Variants in THAP12 observed in about 807,000 individuals in gnomAD.
THAP12 encodes THAP domain containing 12.
Under a neutral mutation model 63.0 loss-of-function variants are expected in THAP12, and 20 were observed. That is an observed-to-expected ratio of 0.32 (90% CI 0.22 to 0.46). The LOEUF is 0.46. THAP12 is among the 20% of genes least tolerant of loss of function. The probability of loss-of-function intolerance (pLI) is 1.00; values close to 1 mark genes in which losing one functional copy is unlikely to be tolerated. For missense variants in THAP12, 568 were observed against 908.2 expected (o/e 0.63, Z 4.81); for synonymous variants, 264 against 328.4 (o/e 0.80, Z 2.12).
intron 3 of THAP12, chr11:76,355,968 C>T (rs1023835223): frequency 2.0e-5 from 4 of 200,868 alleles, no homozygotes; most frequent in South Asian, 3.5e-4. Flanking sequence ...CAAAAATACA[C>T]CATGGCACTT....
chr11:76,366,898 C>T (rs1946635069), intron 1 of THAP12, among the ~76,000 whole-genome samples: 1 of 151,640 alleles, frequency 6.6e-6, no homozygotes, highest in African/African-American at 2.4e-5. Context: ...AAGTCCATGC[C>T]CTCTCGGTGC....
intron 1 of THAP12, among the ~76,000 whole-genome samples, chr11:76,371,000 C>T (rs1488195730): frequency 6.6e-6 from 1 of 152,028 alleles, no homozygotes; most frequent in Non-Finnish European, 1.5e-5. Flanking sequence ...TGTCATTGTT[C>T]TGTTCCCTGT....
chr11:76,373,370 G>A (rs1946687389), intron 1 of THAP12, among the ~76,000 whole-genome samples: 1 of 150,230 alleles, frequency 6.7e-6, no homozygotes, highest in African/African-American at 2.4e-5. Flanking sequence ...GGAAAAAGAA[G>A]TACTATTATT....
chr11:76,353,071 AGC>A (rs1946538726), intron 4 of THAP12, among the ~76,000 whole-genome samples: 1 of 151,966 alleles, frequency 6.6e-6, no homozygotes, highest in Non-Finnish European at 1.5e-5. Context: ...TAAGAAGTAG[AGC>A]GGGGAGTCTC....
At chr11:76,361,207 G>A in intron 2 of THAP12, 144 bp from the exon 3 acceptor site, 1 of 557,354 alleles carries the variant, frequency 1.8e-6, no homozygotes, top group East Asian at 3.1e-5. Flanking sequence ...TGTCAGTTCA[G>A]GTCAGTCTAC....
intron 3 of THAP12, chr11:76,355,978 T>C (rs535410235): frequency 1.1e-5 from 2 of 189,012 alleles, no homozygotes; most frequent in East Asian, 2.5e-4. Flanking sequence ...CCATGGCACT[T>C]GGAGTTAAAT....
In THAP12 at chr11:76,355,399, G is replaced by C. The variant is rs552691452; in HGVS notation, c.355+219C>G. Among the ~76,000 whole-genome samples, 4 of 152,348 alleles carry C rather than the reference G, an allele frequency of 2.6e-5. No individual in the cohort carries two copies. The South Asian group carries it at 8.3e-4, about 32-fold the overall frequency. ...AGGAGGCGTCACCTCCATGAGGCCT[G>C]CATATAGCATAGTGTGTGGCATTGC... On this transcript the variant is annotated intron_variant, in intron 4 of 4. Coordinates refer to ENST00000260045, the MANE Select transcript of THAP12 (RefSeq NM_004705.4).
At chr11:76,374,745 G>A (rs948091236) in intron 1 of THAP12, among the ~76,000 whole-genome samples, 10 of 152,192 alleles carry the variant, frequency 6.6e-5, no homozygotes, top group African/African-American at 2.4e-4. Context: ...AAATAGTTCT[G>A]ACATTGTGGA....
intron 1 of THAP12, among the ~76,000 whole-genome samples, chr11:76,367,268 G>A (rs954058328): frequency 1.7e-4 from 26 of 152,128 alleles, no homozygotes; most frequent in African/African-American, 6.0e-4. Flanking sequence ...TAGAGACTGG[G>A]TTTCTCCATG....
intron 1 of THAP12, among the ~76,000 whole-genome samples, chr11:76,372,809 C>G (rs954077045): frequency 2.0e-5 from 3 of 151,982 alleles, no homozygotes; most frequent in African/African-American, 7.3e-5. Flanking sequence ...ATTGTTTGAG[C>G]CTGGGAGATG....
chr11:76,376,580 A>G (rs188686450), intron 1 of THAP12, among the ~76,000 whole-genome samples: 29 of 151,898 alleles, frequency 1.9e-4, no homozygotes, highest in Admixed American at 9.2e-4. Context: ...AAGGCCCATA[A>G]ACATCTTTGT....
chr11:76,367,611 T>G (rs1946640628), intron 1 of THAP12, among the ~76,000 whole-genome samples: 1 of 150,260 alleles, frequency 6.7e-6, no homozygotes, highest in South Asian at 2.1e-4. Context: ...ATAGTACAGA[T>G]GGGGTTTCAG....
chr11:76,366,352 C>T (rs1260561330), intron 1 of THAP12, among the ~76,000 whole-genome samples: 1 of 152,156 alleles, frequency 6.6e-6, no homozygotes, highest in Non-Finnish European at 1.5e-5. Flanking sequence ...AGGATTTCAA[C>T]TTCAACAAGC....
intron 3 of THAP12, chr11:76,356,780 C>G (rs140325890): frequency 6.6e-6 from 1 of 152,008 alleles, no homozygotes; most frequent in Non-Finnish European, 1.5e-5. Context: ...TGGTGGCTCA[C>G]GTCTGTAATC....
At chr11:76,376,935 A>G (rs968468989) in intron 1 of THAP12, among the ~76,000 whole-genome samples, 1 of 151,966 alleles carries the variant, frequency 6.6e-6, no homozygotes, top group African/African-American at 2.4e-5. Flanking sequence ...AATTTGGGTA[A>G]AAGGAAGATA....
At position 76,380,930 on chromosome 11, in the gene THAP12, G is replaced by A. The variant is rs1183881195; in HGVS notation, c.-94C>T. 2.7e-5 allele frequency: 14 copies of A among 510,568 alleles called. No individual in the cohort carries two copies. The highest frequency in any genetic ancestry group is 3.2e-5 in the Non-Finnish European group (12 of 372,262). 31.6% of individuals were successfully genotyped at this position (510,568 alleles called of 1,614,324 possible). A position where few individuals can be genotyped will look rare whatever the true frequency, so the allele number is the denominator to read the frequency against. ...GGGGCCGGGGAGGGGAGCCAGGCCGGCCGGCCGGCTCGGCAGGGCCGACGC... is the reference window on the plus strand; with the variant it reads ...GGGGCCGGGGAGGGGAGCCAGGCCGACCGGCCGGCTCGGCAGGGCCGACGC... On this transcript the variant is annotated 5_prime_UTR_variant, in exon 1 of 5. Coordinates refer to ENST00000260045, the MANE Select transcript of THAP12 (RefSeq NM_004705.4).
intron 4 of THAP12, among the ~76,000 whole-genome samples, chr11:76,354,393 CCT>C (rs1946546812): frequency 6.6e-6 from 1 of 152,186 alleles, no homozygotes; most frequent in Admixed American, 6.5e-5. Flanking sequence ...TGGCTCCCTC[CCT>C]CTCTCCTCCA....
chr11:76,366,740 G>A (rs528375946), intron 1 of THAP12, among the ~76,000 whole-genome samples: 7 of 151,470 alleles, frequency 4.6e-5, no homozygotes, highest in African/African-American at 1.7e-4. Context: ...TCTAAGGGAA[G>A]CATAAAGGCT....
intron 2 of THAP12, among the ~76,000 whole-genome samples, chr11:76,362,546 C>A (rs1230011080): frequency 6.6e-6 from 1 of 152,178 alleles, no homozygotes; most frequent in Non-Finnish European, 1.5e-5. Context: ...GGCTCGTGAT[C>A]CTGAGTCTAC....
Sources: gnomAD v4.1 joint callset for allele counts (sites outside exome capture counted in the v4.1 genomes callset) on GRCh38, gnomAD v4.1.1 for gene constraint, MANE v1.5 for transcripts, NCBI Gene and HGNC (gene_info 2026-07-23, HGNC 2026-07-21) for gene names.